The following IGBP1C variants were observed in gnomAD, a reference collection of about 807,000 sequenced individuals.
IGBP1C encodes the protein IGBP1 family member C.
the IGBP1C span, among the ~76,000 whole-genome samples, chr17:58,683,199 C>T: frequency 6.6e-6 from 1 of 151,044 alleles, no homozygotes; most frequent in Admixed American, 6.6e-5. Flanking sequence ...ATAGCAAAAC[C>T]CCATCTCTAC....
the IGBP1C span, chr17:58,660,880 A>C: frequency 1.2e-6 from 1 of 801,000 alleles, no homozygotes; most frequent in African/African-American, 1.7e-5. Context: ...GTTTCATTGG[A>C]GGCCTCTTCT....
chr17:58,662,201 C>T, the IGBP1C span, among the ~76,000 whole-genome samples: 2 of 151,188 alleles, frequency 1.3e-5, no homozygotes, highest in Non-Finnish European at 3.0e-5. Flanking sequence ...CCTGTAATCC[C>T]CCACTTTGGG....
chr17:58,670,785 A>C, the IGBP1C span, among the ~76,000 whole-genome samples: 3 of 150,714 alleles, frequency 2.0e-5, no homozygotes, highest in Non-Finnish European at 3.0e-5. Context: ...AAAAAAAAAA[A>C]AAAAAAAAAA....
At chr17:58,669,016 G>C in the IGBP1C span, among the ~76,000 whole-genome samples, 2 of 152,130 alleles carry the variant, frequency 1.3e-5, no homozygotes, top group Non-Finnish European at 2.9e-5. Context: ...TATCAACACT[G>C]TATGAATGGA....
chr17:58,677,908 T>A, the IGBP1C span, among the ~76,000 whole-genome samples: 2 of 152,144 alleles, frequency 1.3e-5, no homozygotes, highest in African/African-American at 4.8e-5. Context: ...TCCCAACACT[T>A]TGGGAGGCCA....
the IGBP1C span, among the ~76,000 whole-genome samples, chr17:58,670,147 TA>T: frequency 6.6e-6 from 1 of 152,232 alleles, no homozygotes; most frequent in Non-Finnish European, 1.5e-5. Context: ...GTTATCATAG[TA>T]AGAGTCCTTT....
the IGBP1C span, among the ~76,000 whole-genome samples, chr17:58,676,415 C>A: frequency 7.9e-5 from 12 of 151,230 alleles, no homozygotes; most frequent in Non-Finnish European, 3.0e-5. Context: ...ACAAAAAAAC[C>A]CAGGCGTGGT....
chr17:58,661,063 A>G, the IGBP1C span: 1 of 1,102,554 alleles, frequency 9.1e-7, no homozygotes, highest in Non-Finnish European at 1.4e-6. Flanking sequence ...TTTCCACAGC[A>G]GATTTCATTG....
At chr17:58,674,213 T>G in the IGBP1C span, among the ~76,000 whole-genome samples, 1 of 151,084 alleles carries the variant, frequency 6.6e-6, no homozygotes, top group African/African-American at 2.4e-5. Context: ...GAGGTGGAGG[T>G]TGCAGTGAGC....
At chr17:58,664,565 G>A in the IGBP1C span, among the ~76,000 whole-genome samples, 2 of 152,184 alleles carry the variant, frequency 1.3e-5, no homozygotes, top group Non-Finnish European at 2.9e-5. Context: ...GAGGAATAAT[G>A]CAGAGACTGA....
At chr17:58,663,022 C>T in the IGBP1C span, among the ~76,000 whole-genome samples, 7 of 150,560 alleles carry the variant, frequency 4.6e-5, no homozygotes, top group South Asian at 1.3e-3. Context: ...GGCAGGAGAA[C>T]GGTGTGAACC....
At chr17:58,663,131 C>A in the IGBP1C span, among the ~76,000 whole-genome samples, 1 of 146,128 alleles carries the variant, frequency 6.8e-6, no homozygotes, top group South Asian at 2.2e-4. Context: ...AAAGAAAAGT[C>A]ATTAATGTTG....
At chr17:58,679,477 A>C in the IGBP1C span, 5 of 152,288 alleles carry the variant, frequency 3.3e-5, no homozygotes, top group East Asian at 5.8e-4. Flanking sequence ...AACACAGGAA[A>C]ACCTACGAAG....
At chr17:58,662,415 T>TCTCACA in the IGBP1C span, among the ~76,000 whole-genome samples, 2 of 114,996 alleles carry the variant, frequency 1.7e-5, no homozygotes, top group African/African-American at 5.5e-5. Flanking sequence ...CACACATATC[T>TCTCACA]CACACACACA....
chr17:58,662,656 C>T, the IGBP1C span, among the ~76,000 whole-genome samples: 1 of 152,144 alleles, frequency 6.6e-6, no homozygotes, highest in Admixed American at 6.5e-5. Context: ...ACATGCCCCT[C>T]AGTTTGTGAG....
At chr17:58,679,453 G>A in the IGBP1C span, 2 of 152,076 alleles carry the variant, frequency 1.3e-5, no homozygotes, top group African/African-American at 2.4e-5. Context: ...TTCCAAAACA[G>A]GAGGTTACAA....
chr17:58,663,484 T>A, the IGBP1C span, among the ~76,000 whole-genome samples: 2 of 151,566 alleles, frequency 1.3e-5, no homozygotes, highest in African/African-American at 4.8e-5. Context: ...TTTTTTTTTT[T>A]AAGACAGAGT....
chr17:58,691,380 C>T, the IGBP1C span, among the ~76,000 whole-genome samples: 48 of 151,850 alleles, frequency 3.2e-4, no homozygotes, highest in Non-Finnish European at 1.0e-4. Flanking sequence ...AGAATCATTG[C>T]CAACAGGGCC....
At chr17:58,677,952 C>A in the IGBP1C span, among the ~76,000 whole-genome samples, 1 of 152,224 alleles carries the variant, frequency 6.6e-6, no homozygotes, top group Non-Finnish European at 1.5e-5. Flanking sequence ...GAGTTCAAGA[C>A]CAGCCTGGCC....
Sources: allele counts gnomAD v4.1 joint callset (sites outside exome capture counted in the v4.1 genomes callset), GRCh38; gene constraint gnomAD v4.1.1; transcripts MANE v1.5; gene names NCBI Gene and HGNC (gene_info 2026-07-23, HGNC 2026-07-21).